PYHIN1: variants seen among roughly 807,000 people sequenced by gnomAD.
The protein encoded by PYHIN1 is pyrin and HIN domain family member 1, also known as pyrin and HIN domain-containing protein 1.
PYHIN1 carries 32 observed loss-of-function variants against 43.7 expected under a neutral mutation model. The ratio of observed to expected loss-of-function variants is 0.73; its 90% CI spans 0.55 to 0.98. The LOEUF (loss-of-function observed/expected upper bound fraction) is 0.98. Among genes scored for constraint, PYHIN1 ranks in the 50% least tolerant of loss-of-function variants. PYHIN1 has a pLI of 0.00. For synonymous variants in PYHIN1, 205 were observed against 203.1 expected (o/e 1.01, Z -0.08); for missense variants, 588 against 589.5 (o/e 1.00, Z 0.03).
chr1:158,973,421 AT>A (rs1651048743), intron 7 of PYHIN1, among the ~76,000 whole-genome samples: 1 of 151,506 alleles, frequency 6.6e-6, no homozygotes, highest in Admixed American at 6.6e-5. Flanking sequence ...GTTTCTGTGT[AT>A]GCTGAAATGT....
intron 7 of PYHIN1, among the ~76,000 whole-genome samples, chr1:158,966,481 C>G (rs1650642106): frequency 6.6e-6 from 1 of 152,022 alleles, no homozygotes; most frequent in Non-Finnish European, 1.5e-5. Flanking sequence ...CAAAAAAATA[C>G]AAGTAAACAA....
intron 3 of PYHIN1, 75 bp downstream of exon 3, chr1:158,938,617 C>A (rs1368540052): frequency 4.8e-6 from 7 of 1,444,670 alleles, no homozygotes; most frequent in Admixed American, 2.2e-5. Context: ...CTCAATCTGT[C>A]CAGCAGGCAG....
At chr1:158,970,742 A>G (rs1271257534) in intron 7 of PYHIN1, among the ~76,000 whole-genome samples, 1 of 152,038 alleles carries the variant, frequency 6.6e-6, no homozygotes. Flanking sequence ...CACTGCATAT[A>G]CTATAACAAT....
At chr1:158,940,637 G>A (rs543170660) in intron 4 of PYHIN1, among the ~76,000 whole-genome samples, 1 of 152,238 alleles carries the variant, frequency 6.6e-6, no homozygotes, top group African/African-American at 2.4e-5. Flanking sequence ...CAATAAAGGG[G>A]ATCAATTATG....
Position 158,933,639 on chromosome 1 carries a change from G to T in PYHIN1, c.-21+1863G>T, listed in dbSNP as rs962742026. 3.3e-5 allele frequency among the ~76,000 whole-genome samples: 5 copies of T among 151,756 alleles called. No individual in the cohort carries two copies. The highest frequency in any genetic ancestry group is 2.1e-4 in the South Asian group (1 of 4,812). Reference sequence around the variant, plus strand: ...ATAGGCTAATAATTAACATATTTTGGCCTGCTTCTGCTATCTTCACTTCAA... The same window carrying T: ...ATAGGCTAATAATTAACATATTTTGTCCTGCTTCTGCTATCTTCACTTCAA... On this transcript the variant is annotated intron_variant, in intron 1 of 8. Coordinates refer to ENST00000368140, the MANE Select transcript of PYHIN1 (RefSeq NM_152501.5). The surrounding 1 kb of genome is among the most constrained non-coding windows in gnomAD (Gnocchi z 6.3).
At chr1:158,987,983 G>A in the PYHIN1 span, among the ~76,000 whole-genome samples, 1 of 152,200 alleles carries the variant, frequency 6.6e-6, no homozygotes, top group African/African-American at 2.4e-5. Context: ...AAAACAGATA[G>A]TAAGGTTATG....
At chr1:158,934,475 T>C (rs908810956) in intron 1 of PYHIN1, among the ~76,000 whole-genome samples, 3 of 152,168 alleles carry the variant, frequency 2.0e-5, no homozygotes, top group Non-Finnish European at 2.9e-5. Flanking sequence ...TTCAATCTAA[T>C]TTTTGGATCT....
At chr1:158,974,483 A>G (rs1651134467) in intron 8 of PYHIN1, among the ~76,000 whole-genome samples, 1 of 152,060 alleles carries the variant, frequency 6.6e-6, no homozygotes, top group Non-Finnish European at 1.5e-5. Context: ...AAGTGTTCCA[A>G]TTGAATCCCA....
At position 158,934,893 on chromosome 1, in the gene PYHIN1, C is replaced by A. The variant is rs1283373072; in HGVS notation, c.-20-1998C>A. ...TACAGGCACCCACCACCATGCCTGGCTAACTTTTGTATTTTTAGTAGAGAC... is the reference window on the plus strand; with the variant it reads ...TACAGGCACCCACCACCATGCCTGGATAACTTTTGTATTTTTAGTAGAGAC... On this transcript the variant is annotated intron_variant, in intron 1 of 8. Coordinates refer to ENST00000368140, the MANE Select transcript of PYHIN1 (RefSeq NM_152501.5). Among the ~76,000 whole-genome samples, 3 of 152,202 alleles carry A rather than the reference C, an allele frequency of 2.0e-5. No individual in the cohort carries two copies. The East Asian group carries it at 5.8e-4, about 29-fold the overall frequency.
chr1:158,940,996 T>C (rs971650019), intron 4 of PYHIN1, among the ~76,000 whole-genome samples: 1 of 152,248 alleles, frequency 6.6e-6, no homozygotes, highest in Non-Finnish European at 1.5e-5. Flanking sequence ...TTACTATTAA[T>C]ATTCTCATGG....
intron 7 of PYHIN1, among the ~76,000 whole-genome samples, chr1:158,955,708 C>A (rs1649873691): frequency 9.8e-6 from 1 of 101,796 alleles, no homozygotes; most frequent in Non-Finnish European, 2.0e-5. Flanking sequence ...AAAGCAAGAG[C>A]AAACACATTC....
Position 158,964,470 on chromosome 1 carries a change from C to G in PYHIN1, c.1360-9177C>G, listed in dbSNP as rs181837135. Among the ~76,000 whole-genome samples the G allele has an allele frequency of 2.6e-5, 4 of 152,190 alleles. No individual in the cohort carries two copies. The East Asian group carries it at 7.7e-4, about 29-fold the overall frequency. On this transcript the variant is annotated intron_variant, in intron 7 of 8. Transcript: ENST00000368140. ...ATGAATTTAAAAATGTTAAAGACAGCTAGAGAGAAGGGGCAGGTCACTGGG... is the reference window on the plus strand; with the variant it reads ...ATGAATTTAAAAATGTTAAAGACAGGTAGAGAGAAGGGGCAGGTCACTGGG...
chr1:158,939,489 T>C (rs1250999495), intron 4 of PYHIN1: 5 of 1,550,824 alleles, frequency 3.2e-6, no homozygotes, highest in African/African-American at 1.4e-5. Context: ...AACTGCGGAA[T>C]CTGGAACTTT....
At chr1:158,987,069 C>T in the PYHIN1 span, among the ~76,000 whole-genome samples, 1 of 152,124 alleles carries the variant, frequency 6.6e-6, no homozygotes, top group African/African-American at 2.4e-5. Flanking sequence ...TTACCAACAC[C>T]TGTTATCTTT....
At chr1:158,971,454 TG>T (rs764106423) in intron 7 of PYHIN1, among the ~76,000 whole-genome samples, 17 of 151,934 alleles carry the variant, frequency 1.1e-4, no homozygotes, top group Non-Finnish European at 1.5e-4. Context: ...AGACATGTTC[TG>T]GGAATGCCCT....
At chr1:158,946,381 G>A (rs2101668013) in intron 7 of PYHIN1, among the ~76,000 whole-genome samples, 1 of 152,102 alleles carries the variant, frequency 6.6e-6, no homozygotes, top group Non-Finnish European at 1.5e-5. Context: ...CTTGCTTTTG[G>A]AAAAAAATGT....
At chr1:158,971,900 G>A (rs941617760) in intron 7 of PYHIN1, among the ~76,000 whole-genome samples, 1 of 151,834 alleles carries the variant, frequency 6.6e-6, no homozygotes, top group African/African-American at 2.4e-5. Context: ...AGGTGAAGAG[G>A]TTAGGATATC....
At chr1:158,982,219 T>C in the PYHIN1 span, among the ~76,000 whole-genome samples, 1 of 152,194 alleles carries the variant, frequency 6.6e-6, no homozygotes, top group Non-Finnish European at 1.5e-5. Context: ...CCAAGGCTAA[T>C]GTCCAGAATA....
intron 7 of PYHIN1, among the ~76,000 whole-genome samples, chr1:158,949,474 T>C (rs573169743): frequency 6.4e-4 from 98 of 152,186 alleles, no homozygotes; most frequent in Admixed American, 2.5e-3. Flanking sequence ...GCTGGTGCGC[T>C]GTACCCACTA....
Sources: allele counts gnomAD v4.1 joint callset (sites outside exome capture counted in the v4.1 genomes callset), GRCh38; gene constraint gnomAD v4.1.1; non-coding constraint Gnocchi (gnomAD v3.1); transcripts MANE v1.5; gene names NCBI Gene and HGNC (gene_info 2026-07-23, HGNC 2026-07-21).